The following HGSNAT variants were observed in gnomAD, a reference collection of about 807,000 sequenced individuals.
HGSNAT encodes the protein transmembrane protein 76.
A neutral mutation model predicts 85.2 loss-of-function variants in HGSNAT; 59 were observed. The observed-to-expected ratio is 0.69, with a 90% CI of 0.56 to 0.86. The LOEUF is 0.86. Among genes scored for constraint, HGSNAT ranks in the 40% least tolerant of loss-of-function variants. The pLI is 0.00. For missense variants in HGSNAT, 756 were observed against 777.1 expected (o/e 0.97, Z 0.32); for synonymous variants, 321 against 304.5 (o/e 1.05, Z -0.56).
At chr8:43,149,376 C>CTG (rs201576038) in intron 2 of HGSNAT, among the ~76,000 whole-genome samples, 1,785 of 152,142 alleles carry the variant, frequency 0.012, 44 homozygotes, top group African/African-American at 0.04. Flanking sequence ...TAGACATAAA[C>CTG]TTTTAAATTT....
rs768973103 is a variant in HGSNAT at position 43,197,000 on chromosome 8, G to A, written c.1517G>A (p.Arg506Gln). Residue 506 changes from arginine (R) to glutamine (Q), a missense_variant, in exon 15 of 18, where the codon CGA becomes CAA. Transcript: ENST00000379644. ...GCTCGGACCAAAGACATCCTGATTC[G>A]ATTCACTGCTTGGTGTTGTATTCTT... ...YKARTKDILI[R>Q]FTAWCCILGL... is the part of the protein sequence containing the mutation. 3.8e-5 allele frequency: 62 copies of A among 1,611,714 alleles called. No individual in the cohort carries two copies. The South Asian group carries it at 5.7e-4, about 15-fold the overall frequency.
intron 3 of HGSNAT, 71 bp from the exon 4 acceptor site, chr8:43,158,852 T>C (rs925945240): frequency 4.5e-6 from 7 of 1,542,116 alleles, no homozygotes; most frequent in Non-Finnish European, 6.2e-6. Context: ...TCTGCCTCCA[T>C]GATATTAGCA....
chr8:43,164,841 G>A (rs1371141230), intron 5 of HGSNAT, among the ~76,000 whole-genome samples: 3 of 152,076 alleles, frequency 2.0e-5, no homozygotes, highest in Non-Finnish European at 4.4e-5. Flanking sequence ...ACGCTTAGAA[G>A]CCATTGTAGG....
chr8:43,187,898 A>C (rs1421507035), intron 11 of HGSNAT, among the ~76,000 whole-genome samples: 1 of 152,144 alleles, frequency 6.6e-6, no homozygotes, highest in Non-Finnish European at 1.5e-5. Flanking sequence ...TCTTTCACTT[A>C]TGAAGCTTAG....
At chr8:43,145,792 G>A (rs1802696063) in intron 1 of HGSNAT, among the ~76,000 whole-genome samples, 1 of 152,008 alleles carries the variant, frequency 6.6e-6, no homozygotes, top group African/African-American at 2.4e-5. Context: ...GCTACGTGAA[G>A]AATTCATGAT....
chr8:43,199,051 C>A (rs1366062123), intron 17 of HGSNAT, among the ~76,000 whole-genome samples: 1 of 152,010 alleles, frequency 6.6e-6, no homozygotes, highest in African/African-American at 2.4e-5. Flanking sequence ...ACGGGCACAC[C>A]CCACCACGCC....
At position 43,173,718 on chromosome 8, in the gene HGSNAT, A is replaced by G. The variant is rs201952563; in HGVS notation, c.826A>G (p.Thr276Ala). ...GCTTTGTACTTGTTCTGCAGGGCTG[A>G]CAGTGGCTGACCTCGTGTTCCCGTG... Reference protein sequence around the residue: ...YFKHASWNGLTVADLVFPWFV... With the variant: ...YFKHASWNGLAVADLVFPWFV... The change falls in exon 9 of 18, where the codon ACA (threonine) becomes GCA (alanine). Residue 276 changes from threonine to alanine, a missense_variant. Thr to Ala is a moderately conservative substitution (Grantham distance 58). Coordinates refer to ENST00000379644, the MANE Select transcript of HGSNAT (RefSeq NM_152419.3). The G allele has an allele frequency of 1.1e-4, 172 of 1,612,972 alleles. No individual in the cohort carries two copies. The highest frequency in any genetic ancestry group is 1.3e-4 in the Non-Finnish European group (159 of 1,179,540).
intron 12 of HGSNAT, among the ~76,000 whole-genome samples, chr8:43,191,886 G>T (rs979862481): frequency 1.3e-5 from 2 of 152,000 alleles, no homozygotes; most frequent in African/African-American, 4.8e-5. Flanking sequence ...CATGTTTGGG[G>T]CTCTCTGAAT....
At chr8:43,150,791 G>C (rs975448964) in intron 2 of HGSNAT, among the ~76,000 whole-genome samples, 9 of 151,724 alleles carry the variant, frequency 5.9e-5, no homozygotes, top group Admixed American at 5.3e-4. Flanking sequence ...CCAAGATTGC[G>C]CCACTGCACT....
chr8:43,140,530 C>G lies in HGSNAT; in HGVS notation c.34C>G (p.Leu12Val), dbSNP rs1802479195. 12 of 1,122,622 alleles carry G rather than the reference C, an allele frequency of 1.1e-5. No homozygotes were observed. Among genetic ancestry groups the G allele is most frequent in the Non-Finnish European group, 1.3e-5 (12 of 920,896 alleles). 69.5% of individuals were successfully genotyped at this position (1,122,622 alleles called of 1,614,324 possible). The change falls in exon 1 of 18, where the codon CTG (leucine) becomes GTG (valine). Residue 12 changes from leucine to valine, a missense_variant. Physicochemically the swap from Leu to Val is conservative, Grantham distance 32. Coordinates refer to ENST00000379644, the MANE Select transcript of HGSNAT (RefSeq NM_152419.3). ...SGAGRALAAL[L>V]LAASVLSAAL... ...GGCGGGCAGGGCGCTGGCCGCGCTG[C>G]TGCTGGCCGCGTCCGTGCTGAGCGC...
At chr8:43,158,821 G>T in intron 3 of HGSNAT, 102 bp from the exon 4 acceptor site, 3 of 1,494,294 alleles carry the variant, frequency 2.0e-6, no homozygotes, top group South Asian at 1.3e-5. Context: ...TTTCTGGTCC[G>T]TACCCAGGAA....
chr8:43,182,909 CACG>C (rs1198073639), intron 11 of HGSNAT, among the ~76,000 whole-genome samples: 2 of 152,118 alleles, frequency 1.3e-5, no homozygotes, highest in Admixed American at 1.3e-4. Context: ...TTATAAAATA[CACG>C]ACATGAGATC....
At chr8:43,156,700 G>T (rs1482039214) in intron 2 of HGSNAT, among the ~76,000 whole-genome samples, 2 of 151,992 alleles carry the variant, frequency 1.3e-5, no homozygotes, top group Admixed American at 6.6e-5. Context: ...TACAATGTTG[G>T]GTGCAAATAT....
Position 43,199,407 on chromosome 8 carries a change from A to G in HGSNAT, c.1746A>G (p.Val582=). 4.4e-6 allele frequency: 7 copies of G among 1,601,426 alleles called. No individual in the cohort carries two copies. The highest frequency in any genetic ancestry group is 4.3e-6 in the Non-Finnish European group (5 of 1,173,068). Residue 582 remains valine (V), a synonymous_variant, in exon 18 of 18, where the codon GTA becomes GTG. Transcript: ENST00000379644. The part of the protein sequence containing the change: ...FFYPGMNSIL[V]YVGHEVFENY... The stretch of plus-strand genomic sequence containing the variant: ...CTTAAGGAATGAATTCCATTCTGGT[A>G]TATGTCGGCCACGAGGTGTTTGAGA...
chr8:43,189,447 T>G (rs1228327799), intron 11 of HGSNAT, among the ~76,000 whole-genome samples: 5 of 152,192 alleles, frequency 3.3e-5, no homozygotes, highest in African/African-American at 1.2e-4. Flanking sequence ...ATGCAAGATA[T>G]AATCTCCTGG....
At chr8:43,154,517 C>T (rs1803028100) in intron 2 of HGSNAT, among the ~76,000 whole-genome samples, 1 of 152,146 alleles carries the variant, frequency 6.6e-6, no homozygotes, top group South Asian at 2.1e-4. Context: ...CTACAAAGGA[C>T]ATGAACTCAT....
intron 5 of HGSNAT, among the ~76,000 whole-genome samples, chr8:43,166,143 A>C (rs1803428267): frequency 6.6e-6 from 1 of 152,186 alleles, no homozygotes. Flanking sequence ...GTTGGTTCAG[A>C]AGGTTTAAGG....
chr8:43,189,511 C>T (rs914860005), intron 11 of HGSNAT, among the ~76,000 whole-genome samples: 2 of 152,118 alleles, frequency 1.3e-5, no homozygotes, highest in East Asian at 1.9e-4. Context: ...AGGAGTGTCC[C>T]GATTTTCCAG....
At chr8:43,143,639 A>G (rs1586694381) in intron 1 of HGSNAT, among the ~76,000 whole-genome samples, 1 of 150,236 alleles carries the variant, frequency 6.7e-6, no homozygotes, top group South Asian at 2.1e-4. Flanking sequence ...CTGGGTTCAC[A>G]CCATTCTCCT....
Sources: allele counts gnomAD v4.1 joint callset (sites outside exome capture counted in the v4.1 genomes callset), GRCh38; gene constraint gnomAD v4.1.1; transcripts MANE v1.5; gene names NCBI Gene and HGNC (gene_info 2026-07-23, HGNC 2026-07-21).